Variants in IMMP2L observed in about 807,000 individuals in gnomAD.
The protein encoded by IMMP2L is mitochondrial inner membrane protease subunit 2.
A neutral mutation model predicts 19.3 loss-of-function variants in IMMP2L; 18 were observed. The observed-to-expected ratio is 0.93, with a 90% confidence interval of 0.64 to 1.38. The LOEUF (loss-of-function observed/expected upper bound fraction) is 1.38. Among genes scored for constraint, IMMP2L ranks in the 40% most tolerant of loss-of-function variants. The pLI is 0.00. For synonymous variants in IMMP2L, 76 were observed against 73.0 expected (o/e 1.04, Z -0.21); for missense variants, 233 against 218.2 (o/e 1.07, Z -0.43).
intron 3 of IMMP2L, among the ~76,000 whole-genome samples, chr7:111,258,623 C>T (rs898876079): frequency 1.3e-5 from 2 of 152,028 alleles, no homozygotes; most frequent in Non-Finnish European, 2.9e-5. Flanking sequence ...TCTCACACCT[C>T]AGCCTCCCAA....
chr7:110,765,895 G>A (rs1798626142), intron 5 of IMMP2L, among the ~76,000 whole-genome samples: 2 of 152,044 alleles, frequency 1.3e-5, no homozygotes, highest in South Asian at 4.1e-4. Flanking sequence ...TTTTGCTAGT[G>A]CTGTAGTTAC....
intron 3 of IMMP2L, among the ~76,000 whole-genome samples, chr7:111,432,149 C>T (rs1307515146): frequency 6.6e-6 from 1 of 151,628 alleles, no homozygotes; most frequent in African/African-American, 2.4e-5. Flanking sequence ...CCTGTGGGAT[C>T]TGACACTATC....
At chr7:110,788,162 T>C (rs1390649300) in intron 5 of IMMP2L, among the ~76,000 whole-genome samples, 1 of 152,068 alleles carries the variant, frequency 6.6e-6, no homozygotes, top group African/African-American at 2.4e-5. Flanking sequence ...GTCATTACTT[T>C]CATCTACTTC....
At chr7:111,352,617 T>C (rs1828285975) in intron 3 of IMMP2L, among the ~76,000 whole-genome samples, 1 of 152,104 alleles carries the variant, frequency 6.6e-6, no homozygotes, top group Non-Finnish European at 1.5e-5. Flanking sequence ...TCATTCTGAT[T>C]TTCCTCAGTA....
intron 3 of IMMP2L, among the ~76,000 whole-genome samples, chr7:111,155,873 G>A (rs1375032625): frequency 6.6e-6 from 1 of 151,954 alleles, no homozygotes; most frequent in Non-Finnish European, 1.5e-5. Context: ...CCATCCCAGT[G>A]ATTTTGCCTC....
chr7:111,123,096 C>T lies in IMMP2L; in HGVS notation c.240-159531G>A, dbSNP rs1563268333. 6.2e-7 allele frequency: 1 copy of T among 1,613,534 alleles called. No homozygotes were observed. The highest frequency in any genetic ancestry group is 1.7e-5 in the Admixed American group (1 of 59,894). On this transcript the variant is annotated intron_variant, in intron 3 of 5. Coordinates refer to ENST00000405709, the MANE Select transcript of IMMP2L (RefSeq NM_032549.4). This position sits in a 1 kb window ranked among gnomAD's most constrained non-coding sequence, Gnocchi z 6.4. ...CTCAAAACAATTTATCTTCAGTCACCAATATTAATGTAAAAAAGATGCCTC... is the reference window on the plus strand; with the variant it reads ...CTCAAAACAATTTATCTTCAGTCACTAATATTAATGTAAAAAAGATGCCTC...
chr7:110,840,180 T>C (rs1033557320), intron 5 of IMMP2L, among the ~76,000 whole-genome samples: 4 of 152,178 alleles, frequency 2.6e-5, no homozygotes. Context: ...TTGTAGGTCC[T>C]GGTAGTATCT....
intron 4 of IMMP2L, among the ~76,000 whole-genome samples, chr7:110,947,750 A>G (rs1817400256): frequency 6.6e-6 from 1 of 152,182 alleles, no homozygotes; most frequent in South Asian, 2.1e-4. Context: ...CTTCAGAAGT[A>G]TTCTTTGGAA....
intron 5 of IMMP2L, among the ~76,000 whole-genome samples, chr7:110,761,895 C>T (rs1798370237): frequency 6.6e-6 from 1 of 152,094 alleles, no homozygotes; most frequent in Non-Finnish European, 1.5e-5. Context: ...CATAACATAC[C>T]TTAAATGTTC....
chr7:111,396,860 G>A lies in IMMP2L; in HGVS notation c.239+90378C>T, dbSNP rs548498251. Among the ~76,000 whole-genome samples, 16 of 150,960 alleles carry A rather than the reference G, an allele frequency of 1.1e-4. No individual in the cohort carries two copies. In the East Asian group the frequency reaches 1.6e-3, roughly 15 times the overall value. On this transcript the variant is annotated intron_variant, in intron 3 of 5. Transcript: ENST00000405709. ...AGCACTTTGGGAGGCCGAGGAGGGC[G>A]GATCACAAGGTCAGGAGATTGAGAC...
rs998428182 is a variant in IMMP2L at position 111,416,572 on chromosome 7, A to G, written c.239+70666T>C. On this transcript the variant is annotated intron_variant, in intron 3 of 5. Transcript: ENST00000405709. The stretch of plus-strand genomic sequence containing the variant: ...AATTTCCTAAGAGAAAAATAAAAGT[A>G]CTTCATGTAAAAAGTTTTAACCCCT... Among the ~76,000 whole-genome samples, 4 of 151,848 alleles carry G rather than the reference A, an allele frequency of 2.6e-5. 1 individual carries two copies. The highest frequency in any genetic ancestry group is 9.7e-5 in the African/African-American group (4 of 41,176).
chr7:111,084,254 A>C (rs1321863365), intron 3 of IMMP2L, among the ~76,000 whole-genome samples: 4 of 151,808 alleles, frequency 2.6e-5, no homozygotes, highest in Non-Finnish European at 5.9e-5. Flanking sequence ...CAAGATCCAA[A>C]GTTCCTGTAA....
intron 5 of IMMP2L, among the ~76,000 whole-genome samples, chr7:110,754,982 C>T (rs1167255544): frequency 6.6e-6 from 1 of 151,892 alleles, no homozygotes; most frequent in Admixed American, 6.6e-5. Context: ...TCTGATAACA[C>T]ATACTCCAAT....
At chr7:110,707,036 G>C (rs1794748099) in intron 5 of IMMP2L, among the ~76,000 whole-genome samples, 1 of 100,090 alleles carries the variant, frequency 1.0e-5, no homozygotes, top group Non-Finnish European at 2.0e-5. Context: ...CTAAGTTTTA[G>C]GGTACATGTG....
chr7:111,072,201 G>C (rs995183311), intron 3 of IMMP2L, among the ~76,000 whole-genome samples: 2 of 152,312 alleles, frequency 1.3e-5, no homozygotes, highest in Admixed American at 1.3e-4. Context: ...AGGAATGACA[G>C]AGTTAGAAAC....
chr7:111,264,604 C>T (rs575079817), intron 3 of IMMP2L, among the ~76,000 whole-genome samples: 1 of 151,498 alleles, frequency 6.6e-6, no homozygotes, highest in Non-Finnish European at 1.5e-5. Context: ...GATTACAAAG[C>T]AGAAACAGAG....
At chr7:111,555,002 T>A (rs1791102153) in intron 1 of IMMP2L, among the ~76,000 whole-genome samples, 1 of 152,066 alleles carries the variant, frequency 6.6e-6, no homozygotes, top group Non-Finnish European at 1.5e-5. Context: ...CCTTGAGAAG[T>A]AGGATATAAA....
intron 5 of IMMP2L, among the ~76,000 whole-genome samples, chr7:110,810,239 A>G (rs1801941319): frequency 6.6e-6 from 1 of 152,116 alleles, no homozygotes; most frequent in South Asian, 2.1e-4. Context: ...ATTCAGCTAA[A>G]AAGGACTATA....
intron 3 of IMMP2L, among the ~76,000 whole-genome samples, chr7:111,220,145 C>T (rs1812359713): frequency 6.6e-6 from 1 of 151,980 alleles, no homozygotes; most frequent in African/African-American, 2.4e-5. Context: ...AAAGAACAAA[C>T]CACTTACCAC....
Sources: allele counts gnomAD v4.1 joint callset (sites outside exome capture counted in the v4.1 genomes callset), GRCh38; gene constraint gnomAD v4.1.1; non-coding constraint Gnocchi (gnomAD v3.1); transcripts MANE v1.5; gene names NCBI Gene and HGNC (gene_info 2026-07-23, HGNC 2026-07-21).